Variants in CMIP observed in about 807,000 individuals in gnomAD.
CMIP encodes C-Maf-inducing protein.
CMIP carries 13 observed loss-of-function variants against 97.3 expected under a neutral mutation model. That is an observed-to-expected ratio of 0.13 (90% CI 0.09 to 0.21). The LOEUF (loss-of-function observed/expected upper bound fraction) is 0.21. Among genes scored for constraint, CMIP ranks in the 10% least tolerant of loss-of-function variants. CMIP has a pLI of 1.00. For missense variants in CMIP, 847 were observed against 1,024.9 expected, an observed-to-expected ratio of 0.83 and a Z score of 2.37; for synonymous variants, 538 against 436.3, an observed-to-expected ratio of 1.23 and a Z score of -2.91.
chr16:81,499,834 T>C (rs960432681), intron 1 of CMIP, among the ~76,000 whole-genome samples: 1 of 152,260 alleles, frequency 6.6e-6, no homozygotes, highest in African/African-American at 2.4e-5. Context: ...AGTTGTTGCC[T>C]GTGGCATTCA....
intron 2 of CMIP, among the ~76,000 whole-genome samples, chr16:81,608,899 C>G (rs749244879): frequency 4.0e-4 from 61 of 152,258 alleles, no homozygotes; most frequent in Admixed American, 1.5e-3. Flanking sequence ...TTCTCTTAGC[C>G]CAAAGAGATG....
intron 1 of CMIP, among the ~76,000 whole-genome samples, chr16:81,550,875 C>G (rs1227408502): frequency 6.6e-6 from 1 of 151,882 alleles, no homozygotes; most frequent in Non-Finnish European, 1.5e-5. Context: ...CACACACACC[C>G]CAGTTCCATC....
chr16:81,551,392 T>C (rs938417075), intron 1 of CMIP, among the ~76,000 whole-genome samples: 8 of 152,224 alleles, frequency 5.3e-5, no homozygotes, highest in Non-Finnish European at 1.0e-4. Context: ...AATGGGACAA[T>C]AAAGCTGAAA....
intron 1 of CMIP, among the ~76,000 whole-genome samples, chr16:81,546,073 G>A (rs76099596): frequency 2.1e-3 from 327 of 152,260 alleles, no homozygotes; most frequent in African/African-American, 7.3e-3. Context: ...AGCAGTCGAG[G>A]ATGAAAGGCA....
intron 1 of CMIP, among the ~76,000 whole-genome samples, chr16:81,467,942 G>A (rs11150389): frequency 0.25 from 36,762 of 146,136 alleles, 5,422 homozygotes; most frequent in Admixed American, 0.4. Context: ...GCTGGAGTAC[G>A]GTGATGAAAT....
chr16:81,481,664 A>C (rs893584774), intron 1 of CMIP, among the ~76,000 whole-genome samples: 3 of 152,188 alleles, frequency 2.0e-5, no homozygotes, highest in Non-Finnish European at 2.9e-5. Flanking sequence ...TTAAAGCAAC[A>C]CAAAGTTATT....
chr16:81,694,252 C>T (rs910959731), intron 13 of CMIP, among the ~76,000 whole-genome samples: 2 of 152,172 alleles, frequency 1.3e-5, no homozygotes, highest in Non-Finnish European at 2.9e-5. Context: ...TGCTCACAGC[C>T]TGCTTCTCTG....
At chr16:81,522,222 G>T (rs996065509) in intron 1 of CMIP, among the ~76,000 whole-genome samples, 2 of 152,216 alleles carry the variant, frequency 1.3e-5, no homozygotes, top group Non-Finnish European at 2.9e-5. Flanking sequence ...GATCGATGAT[G>T]TCACTGGGTT....
chr16:81,673,552 G>A (rs2092701968), intron 9 of CMIP, among the ~76,000 whole-genome samples: 1 of 152,230 alleles, frequency 6.6e-6, no homozygotes, highest in South Asian at 2.1e-4. Flanking sequence ...AAGCAAGCAA[G>A]CAGGTGACCA....
intron 1 of CMIP, among the ~76,000 whole-genome samples, chr16:81,523,979 G>A (rs948424438): frequency 6.6e-6 from 1 of 152,256 alleles, no homozygotes; most frequent in African/African-American, 2.4e-5. Flanking sequence ...AGGTGTGCCT[G>A]TACGTGTGTA....
chr16:81,494,385 G>A (rs565404289), intron 1 of CMIP, among the ~76,000 whole-genome samples: 9 of 152,190 alleles, frequency 5.9e-5, no homozygotes, highest in Non-Finnish European at 1.2e-4. Flanking sequence ...CTTTATTGAC[G>A]CAGAGGGTGG....
At chr16:81,636,457 C>T (rs1000355377) in intron 3 of CMIP, among the ~76,000 whole-genome samples, 38 of 151,486 alleles carry the variant, frequency 2.5e-4, no homozygotes, top group Admixed American at 9.9e-4. Flanking sequence ...GGCAGGCGCC[C>T]GTAATCCCAG....
chr16:81,562,707 T>C lies in CMIP; in HGVS notation c.301-44860T>C, dbSNP rs1288105461. Among the ~76,000 whole-genome samples the C allele has an allele frequency of 3.3e-5, 5 of 152,262 alleles. No individual in the cohort carries two copies. In the East Asian group the frequency reaches 9.6e-4, roughly 29 times the overall value. On this transcript the variant is annotated intron_variant, in intron 1 of 20. Coordinates refer to ENST00000537098, the MANE Select transcript of CMIP (RefSeq NM_198390.3). The stretch of plus-strand genomic sequence containing the variant: ...CTGGGTGGTTCACTCATCTGTCCAG[T>C]GCCAGATGGCACAGAGCCAGCACCG...
At chr16:81,514,161 G>C (rs2089866289) in intron 1 of CMIP, among the ~76,000 whole-genome samples, 1 of 152,216 alleles carries the variant, frequency 6.6e-6, no homozygotes, top group African/African-American at 2.4e-5. Context: ...CTAGAATCCG[G>C]TGACACTTCC....
chr16:81,652,423 G>A lies in CMIP; in HGVS notation c.639+59G>A, dbSNP rs2092438924. On this transcript the variant is annotated intron_variant, in intron 4 of 20. Coordinates refer to ENST00000537098, the MANE Select transcript of CMIP (RefSeq NM_198390.3). This position sits in a 1 kb window ranked among gnomAD's most constrained non-coding sequence, Gnocchi z 5.2. ...TTGCCTTTCCCTCCACCGATCACCGGCTCCATGCCAAGCAGCAGGCGCAGG... is the reference window on the plus strand; with the variant it reads ...TTGCCTTTCCCTCCACCGATCACCGACTCCATGCCAAGCAGCAGGCGCAGG... The A allele has an allele frequency of 6.9e-7, 1 of 1,447,966 alleles. No homozygotes were observed. The allele number at this position is 1,447,966 out of a possible 1,614,324, so 89.7% of individuals were successfully genotyped here. A position where few individuals can be genotyped will look rare whatever the true frequency, so the allele number is the denominator to read the frequency against.
intron 3 of CMIP, among the ~76,000 whole-genome samples, chr16:81,643,285 C>T (rs2092327608): frequency 6.6e-6 from 1 of 152,162 alleles, no homozygotes; most frequent in South Asian, 2.1e-4. Flanking sequence ...CACAAAAGGA[C>T]ACATAGTGTA....
At chr16:81,568,933 G>A (rs1434897224) in intron 1 of CMIP, among the ~76,000 whole-genome samples, 1 of 152,176 alleles carries the variant, frequency 6.6e-6, no homozygotes, top group Non-Finnish European at 1.5e-5. Context: ...TGCCTCAAGG[G>A]GAAAAGGTGC....
chr16:81,495,772 G>A (rs935031790), intron 1 of CMIP, among the ~76,000 whole-genome samples: 1 of 152,248 alleles, frequency 6.6e-6, no homozygotes, highest in Admixed American at 6.5e-5. Flanking sequence ...GCTGTGGTCA[G>A]CCATGGCCAC....
At chr16:81,538,558 T>C (rs1280407623) in intron 1 of CMIP, among the ~76,000 whole-genome samples, 1 of 152,206 alleles carries the variant, frequency 6.6e-6, no homozygotes, top group African/African-American at 2.4e-5. Context: ...CTGGTTTTGA[T>C]AGGAAGTTGA....
Sources: allele counts gnomAD v4.1 joint callset (sites outside exome capture counted in the v4.1 genomes callset), GRCh38; gene constraint gnomAD v4.1.1; non-coding constraint Gnocchi (gnomAD v3.1); transcripts MANE v1.5; gene names NCBI Gene and HGNC (gene_info 2026-07-23, HGNC 2026-07-21).